The following IL23R variants were observed in gnomAD, a reference collection of about 807,000 sequenced individuals.
IL23R encodes interleukin 23 receptor.
IL23R carries 34 observed loss-of-function variants against 56.9 expected under a neutral mutation model. The observed-to-expected ratio is 0.60, with a 90% CI of 0.45 to 0.80. The LOEUF is 0.80. IL23R is among the 30% of genes least tolerant of loss of function. IL23R has a pLI of 0.00. For synonymous variants in IL23R, 230 were observed against 249.2 expected (o/e 0.92, Z 0.73); for missense variants, 635 against 730.0 (o/e 0.87, Z 1.50).
chr1:67,227,931 A>G lies in IL23R; in HGVS notation c.955+8201A>G, dbSNP rs150895406. Among the ~76,000 whole-genome samples, 25 of 132,906 alleles carry G rather than the reference A, an allele frequency of 1.9e-4. 1 individual carries two copies. The East Asian group carries it at 6.1e-3, about 33-fold the overall frequency. The allele number at this position is 132,906 out of a possible 152,430, so 87.2% of individuals were successfully genotyped here. On this transcript the variant is annotated intron_variant, in intron 7 of 10. Transcript: ENST00000347310. ...CCTGAAGTTTGCAACCTATTACTAC[A>G]GAACAAAGATCTTTCTTTCTTTCTT... is the stretch of plus-strand genomic sequence containing the variant.
At chr1:67,172,874 T>A (rs1284548496) in intron 3 of IL23R, among the ~76,000 whole-genome samples, 1 of 152,198 alleles carries the variant, frequency 6.6e-6, no homozygotes, top group Non-Finnish European at 1.5e-5. Flanking sequence ...TGTTATTATC[T>A]TAATCAAGCC....
intron 9 of IL23R, among the ~76,000 whole-genome samples, chr1:67,246,915 T>TA (rs1558263751): frequency 6.6e-6 from 1 of 152,160 alleles, no homozygotes; most frequent in East Asian, 1.9e-4. Context: ...AGTGGGGTGT[T>TA]AAAGTCTCCC....
chr1:67,263,623 T>A (rs1653272329), downstream of IL23R, among the ~76,000 whole-genome samples: 1 of 152,188 alleles, frequency 6.6e-6, no homozygotes, highest in Non-Finnish European at 1.5e-5. Flanking sequence ...CCAAATGCAA[T>A]CTGTTGGCTA....
chr1:67,204,371 C>G (rs1311326087), intron 5 of IL23R, among the ~76,000 whole-genome samples: 1 of 152,152 alleles, frequency 6.6e-6, no homozygotes, highest in Non-Finnish European at 1.5e-5. Context: ...GAAACCTAAT[C>G]AGTAAGAATA....
chr1:67,147,979 G>A (rs115906330), intron 1 of IL23R, among the ~76,000 whole-genome samples: 1,750 of 152,270 alleles, frequency 0.011, 34 homozygotes, highest in African/African-American at 0.04. Context: ...GGATTCTAAG[G>A]AATGGAACCT....
chr1:67,244,302 G>A (rs1053207353), intron 9 of IL23R, among the ~76,000 whole-genome samples: 4 of 152,222 alleles, frequency 2.6e-5, no homozygotes, highest in African/African-American at 9.6e-5. Flanking sequence ...CTGTGCAGAA[G>A]CTCTTTAGTT....
At chr1:67,228,014 CTTTCTTCCTTTCTTTCTTT>C (rs1650786759) in intron 7 of IL23R, among the ~76,000 whole-genome samples, 1 of 82,852 alleles carries the variant, frequency 1.2e-5, no homozygotes, top group Non-Finnish European at 2.6e-5. Flanking sequence ...TTCTTTCTTT[CTTTCTTCCTTTCTTTCTTT>C]TCTTTCTTTC....
At chr1:67,254,013 C>T (rs369781890) in intron 9 of IL23R, among the ~76,000 whole-genome samples, 19 of 152,072 alleles carry the variant, frequency 1.2e-4, no homozygotes, top group East Asian at 3.9e-4. Flanking sequence ...TCTATAAAAG[C>T]CTTAGTTCTG....
intron 2 of IL23R, 33 bp from the exon 3 acceptor site, chr1:67,169,309 C>G (rs748670686): frequency 2.8e-5 from 38 of 1,336,208 alleles, no homozygotes; most frequent in Middle Eastern, 4.9e-4. Flanking sequence ...TAATGTTTTA[C>G]GTGTAATTTA....
chr1:67,157,515 C>G (rs906481478), intron 1 of IL23R, among the ~76,000 whole-genome samples: 4 of 152,182 alleles, frequency 2.6e-5, no homozygotes, highest in African/African-American at 9.6e-5. Context: ...GCAGTTACGT[C>G]TCTGACCCCC....
At chr1:67,255,974 G>A (rs778582975) in intron 10 of IL23R, 47 bp downstream of exon 10, 1 of 994,470 alleles carries the variant, frequency 1.0e-6, no homozygotes, top group Admixed American at 1.7e-5. Flanking sequence ...TTGAGACCAA[G>A]AGTGCAGTCT....
At chr1:67,228,041 T>C (rs12072485) in intron 7 of IL23R, among the ~76,000 whole-genome samples, 5 of 55,624 alleles carry the variant, frequency 9.0e-5, no homozygotes, top group Admixed American at 4.1e-4. Context: ...TTTTCTTTCT[T>C]TCTCTTTCTT....
chr1:67,219,145 T>C (rs766177208), intron 6 of IL23R, among the ~76,000 whole-genome samples: 103 of 152,084 alleles, frequency 6.8e-4, no homozygotes, highest in Non-Finnish European at 9.9e-4. Context: ...GGTGGGCGGA[T>C]CACTTGAGGT....
At chr1:67,245,172 G>C (rs1485130975) in intron 9 of IL23R, among the ~76,000 whole-genome samples, 1 of 152,192 alleles carries the variant, frequency 6.6e-6, no homozygotes, top group Non-Finnish European at 1.5e-5. Context: ...TGTATCCTGA[G>C]AGTTTGCTGA....
chr1:67,235,895 G>A (rs771716464), intron 7 of IL23R, among the ~76,000 whole-genome samples: 11 of 152,072 alleles, frequency 7.2e-5, no homozygotes, highest in East Asian at 3.9e-4. Flanking sequence ...TCAGAGTGAC[G>A]GAATACACAG....
chr1:67,155,344 T>G (rs537160902), intron 1 of IL23R, among the ~76,000 whole-genome samples: 1 of 152,220 alleles, frequency 6.6e-6, no homozygotes, highest in Non-Finnish European at 1.5e-5. Context: ...CCTGTCTTGC[T>G]AGGTTGGGGA....
intron 7 of IL23R, among the ~76,000 whole-genome samples, chr1:67,233,643 T>C (rs1651256136): frequency 6.6e-6 from 1 of 152,174 alleles, no homozygotes; most frequent in African/African-American, 2.4e-5. Context: ...CACAGGCACA[T>C]TGTCTTCTTG....
chr1:67,233,852 GTT>G (rs35312501), intron 7 of IL23R, among the ~76,000 whole-genome samples: 7,869 of 138,486 alleles, frequency 0.057, 242 homozygotes, highest in Middle Eastern at 0.089. Context: ...ATATCATGAG[GTT>G]TTTTTTTTTT....
intron 6 of IL23R, among the ~76,000 whole-genome samples, chr1:67,209,895 A>G (rs1396766315): frequency 1.3e-5 from 2 of 152,224 alleles, no homozygotes; most frequent in African/African-American, 2.4e-5. Flanking sequence ...AGAGGAATCT[A>G]ATTAGCTATT....
Sources: gnomAD v4.1 joint callset for allele counts (sites outside exome capture counted in the v4.1 genomes callset) on GRCh38, gnomAD v4.1.1 for gene constraint, MANE v1.5 for transcripts, NCBI Gene and HGNC (gene_info 2026-07-23, HGNC 2026-07-21) for gene names.